Variants in DHX57 observed in about 807,000 individuals in gnomAD.
DHX57 encodes putative ATP-dependent RNA helicase DHX57.
A neutral mutation model predicts 156.2 loss-of-function variants in DHX57; 105 were observed. That is an observed-to-expected ratio of 0.67 (90% CI 0.57 to 0.79). The LOEUF is 0.79. Among genes scored for constraint, DHX57 ranks in the 30% least tolerant of loss-of-function variants. The pLI, the probability that DHX57 is intolerant of heterozygous loss-of-function variation, is 0.00. For missense variants in DHX57, 1,847 were observed against 1,661.9 expected (o/e 1.11, Z -1.94); for synonymous variants, 704 against 595.6 (o/e 1.18, Z -2.65).
chr2:38,806,522 C>A (rs552786919), intron 22 of DHX57, 37 bp downstream of exon 22: 4 of 1,602,198 alleles, frequency 2.5e-6, no homozygotes, highest in Non-Finnish European at 3.4e-6. Flanking sequence ...TACCCCAGGA[C>A]GACCTGTAAA....
At chr2:38,836,409 T>G (rs1392350706) in intron 13 of DHX57, among the ~76,000 whole-genome samples, 1 of 152,202 alleles carries the variant, frequency 6.6e-6, no homozygotes, top group Non-Finnish European at 1.5e-5. Flanking sequence ...TAATGAATAG[T>G]AAATATATTT....
chr2:38,827,848 C>T lies in DHX57; in HGVS notation c.2639+492G>A, dbSNP rs573310013. On this transcript the variant is annotated intron_variant, in intron 14 of 23. Transcript: ENST00000457308. ...AATTACATGCAAATTTGCTGAGTCA[C>T]TATGCTAAGTGAAGAGAATTTTTTT... Among the ~76,000 whole-genome samples, 10 of 152,096 alleles carry T rather than the reference C, an allele frequency of 6.6e-5. No homozygotes were observed. The South Asian group carries it at 2.1e-3, about 32-fold the overall frequency.
chr2:38,841,086 G>T (rs1030896449), intron 12 of DHX57, among the ~76,000 whole-genome samples: 63 of 152,212 alleles, frequency 4.1e-4, no homozygotes, highest in Non-Finnish European at 6.9e-4. Flanking sequence ...GCCTCCCAAA[G>T]TGTTGGGATT....
intron 19 of DHX57, among the ~76,000 whole-genome samples, chr2:38,816,720 C>G (rs1048756305): frequency 2.0e-5 from 3 of 152,192 alleles, no homozygotes; most frequent in South Asian, 2.1e-4. Flanking sequence ...TGGAATGTCT[C>G]AAGTATACAT....
Position 38,843,189 on chromosome 2 carries a change from G to C in DHX57, c.2241C>G (p.Ser747Arg). Residue 747 changes from serine to arginine, a missense_variant, in exon 12 of 24, where the codon AGC (serine) becomes AGG (arginine). Transcript: ENST00000457308. ...TCTGTTTCATGGACCGCATATATGG[G>C]CTCCCATCCTGTAATACATACCTGA... ...AVTRYVLQDG[S>R]PYMRSMKQIS... is the part of the protein sequence containing the mutation. The C allele has an allele frequency of 1.2e-6, 2 of 1,614,054 alleles. No individual in the cohort carries two copies. Among genetic ancestry groups the C allele is most frequent in the Non-Finnish European group, 1.7e-6 (2 of 1,179,996 alleles).
At chr2:38,838,811 C>G in intron 12 of DHX57, 1 of 456,282 alleles carries the variant, frequency 2.2e-6, no homozygotes, top group Non-Finnish European at 4.4e-6. Context: ...TTCATTAACA[C>G]CCACGGAGTC....
chr2:38,867,296 T>A (rs1271154969), intron 2 of DHX57: 2 of 152,218 alleles, frequency 1.3e-5, no homozygotes, highest in Admixed American at 6.5e-5. Context: ...TCAGAACACA[T>A]CTCTGTCACT....
At position 38,815,502 on chromosome 2, in the gene DHX57, C is replaced by A. The variant is rs555255028; in HGVS notation, c.3606+19G>T. 6 of 1,613,674 alleles carry A rather than the reference C, an allele frequency of 3.7e-6. No homozygotes were observed. The African/African-American group carries it at 6.7e-5, about 18-fold the overall frequency. On this transcript the variant is annotated intron_variant, in intron 20 of 23. Transcript: ENST00000457308. ...GGTGCTAATTAAAGAGAAATGAGAACCAACTCCACATTCTTTACCTCTTCT... is the reference window on the plus strand; with the variant it reads ...GGTGCTAATTAAAGAGAAATGAGAAACAACTCCACATTCTTTACCTCTTCT...
chr2:38,854,281 A>G, intron 8 of DHX57, 103 bp from the exon 9 acceptor site: 1 of 1,212,674 alleles, frequency 8.2e-7, no homozygotes, highest in Non-Finnish European at 1.1e-6. Context: ...AATATTGGAA[A>G]CACCAGCAGT....
Position 38,802,919 on chromosome 2 carries a change from T to C in DHX57, c.3817-4A>G, listed in dbSNP as rs981213431. 1 of 1,613,406 alleles carries C rather than the reference T, an allele frequency of 6.2e-7. No homozygotes were observed. Among genetic ancestry groups the C allele is most frequent in the Non-Finnish European group, 8.5e-7 (1 of 1,179,872 alleles). On this transcript the variant is annotated splice_region_variant and splice_polypyrimidine_tract_variant and intron_variant, in intron 22 of 23. Transcript: ENST00000457308. Reference sequence around the variant, plus strand: ...AGGGGCTGTCAAAGTGTCTCACCTGTAACAAAAAACCTCAGATGATGACAG... The same window carrying C: ...AGGGGCTGTCAAAGTGTCTCACCTGCAACAAAAAACCTCAGATGATGACAG...
chr2:38,841,851 G>A (rs575714437), intron 12 of DHX57, among the ~76,000 whole-genome samples: 6 of 152,192 alleles, frequency 3.9e-5, no homozygotes, highest in Non-Finnish European at 5.9e-5. Context: ...GTCTGGCATG[G>A]GAGGAGGAAG....
At chr2:38,867,508 C>T (rs930002434) in intron 2 of DHX57, among the ~76,000 whole-genome samples, 3 of 152,164 alleles carry the variant, frequency 2.0e-5, no homozygotes, top group African/African-American at 7.2e-5. Flanking sequence ...CTGGAAAATA[C>T]ACAGCTCATC....
chr2:38,814,052 C>T (rs1002817744), intron 20 of DHX57, among the ~76,000 whole-genome samples, 157 bp from the exon 21 acceptor site: 12 of 152,300 alleles, frequency 7.9e-5, no homozygotes, highest in African/African-American at 2.4e-4. Flanking sequence ...ATTCTCCTGC[C>T]TCAGCCTCCC....
chr2:38,839,437 C>T (rs896992477), intron 12 of DHX57, among the ~76,000 whole-genome samples: 5 of 151,446 alleles, frequency 3.3e-5, no homozygotes, highest in African/African-American at 4.8e-5. Context: ...TTCGGCTGGG[C>T]GCGGTGGCTC....
intron 13 of DHX57, among the ~76,000 whole-genome samples, chr2:38,830,454 C>A (rs1671321526): frequency 6.6e-6 from 1 of 151,696 alleles, no homozygotes. Context: ...ATGGTGAAAC[C>A]CCATCTCTAC....
intron 9 of DHX57, among the ~76,000 whole-genome samples, chr2:38,848,852 T>C (rs905442549): frequency 6.6e-6 from 1 of 152,330 alleles, no homozygotes; most frequent in Middle Eastern, 3.4e-3. Flanking sequence ...CCACTTGTAG[T>C]GTCATGTCAG....
intron 10 of DHX57, 30 bp from the exon 11 acceptor site, chr2:38,847,103 C>G (rs761156712): frequency 6.5e-7 from 1 of 1,549,828 alleles, no homozygotes; most frequent in Non-Finnish European, 8.9e-7. Flanking sequence ...AAATAGAAAG[C>G]CTGAGAACAC....
chr2:38,846,988 T>C (rs1423318603), intron 11 of DHX57, 31 bp downstream of exon 11: 1 of 1,587,668 alleles, frequency 6.3e-7, no homozygotes, highest in Admixed American at 1.7e-5. Flanking sequence ...GCCAGGTCCT[T>C]TCACTGAATC....
At chr2:38,838,133 C>G (rs904796966) in intron 12 of DHX57, among the ~76,000 whole-genome samples, 186 bp from the exon 13 acceptor site, 1 of 152,108 alleles carries the variant, frequency 6.6e-6, no homozygotes, top group Non-Finnish European at 1.5e-5. Flanking sequence ...GGGTCTTGCT[C>G]TGTCACCCAG....
Sources: allele counts gnomAD v4.1 joint callset (sites outside exome capture counted in the v4.1 genomes callset), GRCh38; gene constraint gnomAD v4.1.1; transcripts MANE v1.5; gene names NCBI Gene and HGNC (gene_info 2026-07-23, HGNC 2026-07-21).